Variants in ITSN1 observed in about 807,000 individuals in gnomAD.
ITSN1 encodes intersectin 1, also known as intersectin-1.
Under a neutral mutation model 239.8 loss-of-function variants are expected in ITSN1, and 58 were observed. The observed-to-expected ratio is 0.24, with a 90% CI of 0.20 to 0.30. The LOEUF (loss-of-function observed/expected upper bound fraction) is 0.30. Among genes scored for constraint, ITSN1 ranks in the 10% least tolerant of loss-of-function variants. The pLI, the probability that ITSN1 is intolerant of heterozygous loss-of-function variation, is 1.00. For missense variants in ITSN1, 1,558 were observed against 2,103.3 expected (o/e 0.74, Z 5.07); for synonymous variants, 780 against 770.8 (o/e 1.01, Z -0.20).
intron 20 of ITSN1, 56 bp downstream of exon 20, chr21:33,802,500 T>C (rs1303827759): frequency 1.3e-6 from 2 of 1,575,108 alleles, no homozygotes; most frequent in East Asian, 2.2e-5. Flanking sequence ...TTTGTCCTTT[T>C]AAGTCACTTG....
At chr21:33,722,506 T>A in intron 3 of ITSN1, 82 bp from the exon 4 acceptor site, 2 of 1,489,594 alleles carry the variant, frequency 1.3e-6, no homozygotes, top group Non-Finnish European at 1.8e-6. Context: ...CTTTGTAAAT[T>A]TTGTAATTTT....
chr21:33,838,088 G>A, intron 29 of ITSN1: 1 of 985,682 alleles, frequency 1.0e-6, no homozygotes, highest in Non-Finnish European at 1.2e-6. Flanking sequence ...ATATGAAATG[G>A]AGCTCATGGT....
At chr21:33,646,967 C>T (rs539292202) in intron 1 of ITSN1, among the ~76,000 whole-genome samples, 20 of 150,736 alleles carry the variant, frequency 1.3e-4, no homozygotes, top group Non-Finnish European at 2.8e-4. Flanking sequence ...GCCTGGGTGA[C>T]AGAGCAAGGC....
In ITSN1 at chr21:33,652,262, C is replaced by T. The variant is rs539713095; in HGVS notation, c.-33+9549C>T. ...TCTGGGAGGATGCGTCCTGGTGTTACTACACCTTATAGTTATTTAGGAGAA... is the reference window on the plus strand; with the variant it reads ...TCTGGGAGGATGCGTCCTGGTGTTATTACACCTTATAGTTATTTAGGAGAA... On this transcript the variant is annotated intron_variant, in intron 1 of 39. Coordinates refer to ENST00000381318, the MANE Select transcript of ITSN1 (RefSeq NM_003024.3). Among the ~76,000 whole-genome samples the T allele has an allele frequency of 4.6e-5, 7 of 152,198 alleles. No individual in the cohort carries two copies. In the South Asian group the frequency reaches 1.4e-3, roughly 32 times the overall value.
At chr21:33,725,125 T>G (rs1441335703) in intron 4 of ITSN1, among the ~76,000 whole-genome samples, 4 of 124,790 alleles carry the variant, frequency 3.2e-5, no homozygotes, top group African/African-American at 6.8e-5. Flanking sequence ...AAAAAATTTT[T>G]TTTTTTTGTT....
In ITSN1 at chr21:33,647,382, G is replaced by A. The variant is rs186576921; in HGVS notation, c.-33+4669G>A. ...CTTGCTATACATATGGTTGTAACCT[G>A]CTTTTTTTTTGCTTAACATCTTGTC... is the stretch of plus-strand genomic sequence containing the variant. On this transcript the variant is annotated intron_variant, in intron 1 of 39. Transcript: ENST00000381318. 1.8e-3 allele frequency among the ~76,000 whole-genome samples: 274 copies of A among 151,856 alleles called. 2 individuals carry two copies. The highest frequency in any genetic ancestry group is 6.4e-3 in the African/African-American group (264 of 41,430).
rs1320778367 is a variant in ITSN1, at chr21:33,797,776, A to G, written c.2182+168A>G. Among the ~76,000 whole-genome samples the G allele has an allele frequency of 1.3e-5, 2 of 152,064 alleles. No individual in the cohort carries two copies. The highest frequency in any genetic ancestry group is 4.8e-5 in the African/African-American group (2 of 41,396). On this transcript the variant is annotated intron_variant, in intron 18 of 39. Coordinates refer to ENST00000381318, the MANE Select transcript of ITSN1 (RefSeq NM_003024.3). This position sits in a 1 kb window ranked among gnomAD's most constrained non-coding sequence, Gnocchi z 4.9. ...TCTTCTTTCCCCAGGGTCATTTGAG[A>G]TCTGTGTAATTCTCCCACCACCATG...
rs1454696242 is a variant in ITSN1 at position 33,896,455 on chromosome 21, A to G, written c.*8155A>G. ...TCAGTGTCCCTTCCCCAGTGGCTGG[A>G]CACTTGCTCCTCCAGCCTTCACCCC... is the stretch of plus-strand genomic sequence containing the variant. On this transcript the variant is annotated 3_prime_UTR_variant, in exon 40 of 40. Coordinates refer to ENST00000381318, the MANE Select transcript of ITSN1 (RefSeq NM_003024.3). 1 of 152,268 alleles carries G rather than the reference A, an allele frequency of 6.6e-6. No homozygotes were observed. Among genetic ancestry groups the G allele is most frequent in the Non-Finnish European group, 1.5e-5 (1 of 68,124 alleles). 9.4% of individuals were successfully genotyped at this position (152,268 alleles called of 1,614,324 possible).
intron 18 of ITSN1, among the ~76,000 whole-genome samples, chr21:33,799,026 T>C (rs908802917): frequency 5.9e-5 from 9 of 152,190 alleles, no homozygotes; most frequent in Admixed American, 4.6e-4. Context: ...TTCAAAATCA[T>C]GTGGAGATAA....
At chr21:33,736,591 T>TTA (rs1403019236) in intron 5 of ITSN1, among the ~76,000 whole-genome samples, 1 of 152,230 alleles carries the variant, frequency 6.6e-6, no homozygotes, top group Non-Finnish European at 1.5e-5. Flanking sequence ...CTCACAATGT[T>TTA]TAGCCTTTAG....
intron 34 of ITSN1, among the ~76,000 whole-genome samples, chr21:33,878,066 C>T (rs999168335): frequency 3.3e-5 from 5 of 150,504 alleles, no homozygotes; most frequent in African/African-American, 9.8e-5. Context: ...GTCAGGGTCT[C>T]ACTCTGTTGC....
chr21:33,876,117 C>CCTTCTTTCTTTT, intron 34 of ITSN1, among the ~76,000 whole-genome samples: 1 of 14,724 alleles, frequency 6.8e-5, no homozygotes, highest in South Asian at 3.6e-3. Flanking sequence ...TTCTTTCTTT[C>CCTTCTTTCTTTT]TTTCTTTCTT....
At chr21:33,777,860 G>A (rs1489003596) in intron 14 of ITSN1, among the ~76,000 whole-genome samples, 11 of 152,170 alleles carry the variant, frequency 7.2e-5, no homozygotes, top group Non-Finnish European at 1.5e-5. Flanking sequence ...AGTGGGAAGA[G>A]CCTTGTTCCC....
chr21:33,835,633 T>C (rs770230236), intron 28 of ITSN1, among the ~76,000 whole-genome samples: 5 of 152,134 alleles, frequency 3.3e-5, no homozygotes, highest in Non-Finnish European at 7.4e-5. Flanking sequence ...AAAAATCTTT[T>C]GAAACACTGA....
At position 33,775,410 on chromosome 21, in the gene ITSN1, CAAAAT is replaced by C. The variant is rs367600856; in HGVS notation, c.1596+306_1596+310del. Among the ~76,000 whole-genome samples the C allele has an allele frequency of 1.6e-3, 240 of 152,182 alleles. 1 individual carries two copies. In the Middle Eastern group the frequency reaches 0.027, roughly 17 times the overall value. On this transcript the variant is annotated intron_variant, in intron 14 of 39. Coordinates refer to ENST00000381318, the MANE Select transcript of ITSN1 (RefSeq NM_003024.3). ...TGTTTGCAGGAGGAACAGAGACTAA[CAAAAT>C]AAAGTGTGTACTGTATTAGAAGATG... is the stretch of plus-strand genomic sequence containing the variant.
intron 5 of ITSN1, among the ~76,000 whole-genome samples, chr21:33,736,894 A>C (rs901523230): frequency 6.6e-6 from 1 of 152,168 alleles, no homozygotes; most frequent in African/African-American, 2.4e-5. Context: ...CTGAGACAAG[A>C]GGATCACTTG....
chr21:33,751,897 A>T lies in ITSN1; in HGVS notation c.614A>T (p.Asp205Val). 6.2e-7 allele frequency: 1 copy of T among 1,610,956 alleles called. No homozygotes were observed. Among genetic ancestry groups the T allele is most frequent in the Non-Finnish European group, 8.5e-7 (1 of 1,177,232 alleles). The change falls in exon 7 of 40, where the codon GAT becomes GTT. Residue 205 changes from aspartate to valine, a missense_variant. Physicochemically the swap from Asp to Val is radical, Grantham distance 152. Around this residue, in one of 2 missense-constraint regions of ITSN1, gnomAD observed 982 missense variants for 1,209.9 expected, o/e 0.81. Coordinates refer to ENST00000381318, the MANE Select transcript of ITSN1 (RefSeq NM_003024.3). ...NTKLQKAQSF[D>V]VASVPPVAEW... is the part of the protein sequence containing the mutation. The stretch of plus-strand genomic sequence containing the variant: ...AAATTACAAAAGGCACAGTCATTTG[A>T]TGTGGCCAGGTAAGTTTGCTTGTTT...
chr21:33,708,871 C>G (rs1342269527), intron 1 of ITSN1, among the ~76,000 whole-genome samples: 1 of 152,112 alleles, frequency 6.6e-6, no homozygotes, highest in Non-Finnish European at 1.5e-5. Flanking sequence ...GGCTTTTCTC[C>G]CCACCTGGAT....
intron 4 of ITSN1, among the ~76,000 whole-genome samples, chr21:33,727,539 T>A (rs563871376): frequency 6.6e-6 from 1 of 151,540 alleles, no homozygotes; most frequent in South Asian, 2.1e-4. Context: ...TTGTACTTTC[T>A]TAAGACACTC....
Sources: gnomAD v4.1 joint callset for allele counts (sites outside exome capture counted in the v4.1 genomes callset) on GRCh38, gnomAD v4.1.1 for gene constraint, gnomAD v4.1.1 regional missense constraint, Gnocchi (gnomAD v3.1) non-coding constraint, MANE v1.5 for transcripts, NCBI Gene and HGNC (gene_info 2026-07-23, HGNC 2026-07-21) for gene names.